CRK: variants seen among roughly 807,000 people sequenced by gnomAD.
The protein encoded by CRK is adapter molecule crk.
CRK carries 4 observed loss-of-function variants against 29.8 expected under a neutral mutation model. The observed-to-expected ratio is 0.13, with a 90% CI of 0.07 to 0.31. The LOEUF (loss-of-function observed/expected upper bound fraction) is 0.31, where lower values mean the gene tolerates loss of function less well. Among genes scored for constraint, CRK ranks in the 10% least tolerant of loss-of-function variants. CRK has a pLI of 1.00. For missense variants in CRK, 274 were observed against 396.5 expected, an observed-to-expected ratio of 0.69 and a Z score of 2.62; for synonymous variants, 153 against 164.9, an observed-to-expected ratio of 0.93 and a Z score of 0.55.
rs547330797 is a variant in CRK, at chr17:1,423,099, C to T, written c.*414G>A. On this transcript the variant is annotated 3_prime_UTR_variant, in exon 3 of 3. Coordinates refer to ENST00000300574, the MANE Select transcript of CRK (RefSeq NM_016823.4). ...GCATGATTACTTCACGGGGGTGGAACGGAACAGTCTGTCGCCATTTGATAG... is the reference window on the plus strand; with the variant it reads ...GCATGATTACTTCACGGGGGTGGAATGGAACAGTCTGTCGCCATTTGATAG... 15 of 419,182 alleles carry T rather than the reference C, an allele frequency of 3.6e-5. No individual in the cohort carries two copies. The highest frequency in any genetic ancestry group is 1.9e-4 in the South Asian group (2 of 10,404). 26.0% of individuals were successfully genotyped at this position (419,182 alleles called of 1,614,324 possible). A position where few individuals can be genotyped will look rare whatever the true frequency, so the allele number is the denominator to read the frequency against.
At chr17:1,446,208 C>T (rs962819449) in intron 1 of CRK, among the ~76,000 whole-genome samples, 2 of 152,132 alleles carry the variant, frequency 1.3e-5, no homozygotes, top group Admixed American at 6.6e-5. Context: ...AAGGAGAAAG[C>T]GGCACGTCTT....
At position 1,456,018 on chromosome 17, in the gene CRK, C is replaced by G. The variant is rs1317489137; in HGVS notation, c.100G>C (p.Val34Leu). ...VALLQGQRHGVFLVRDSSTSP... is the reference protein window; with the variant it reads ...VALLQGQRHGLFLVRDSSTSP... ...GTGCTCGAGTCCCGCACCAGGAACA[C>G]CCCGTGCCGCTGGCCCTGCAGCAGC... The change falls in exon 1 of 3, where the codon GTG becomes CTG. Residue 34 changes from valine (V) to leucine (L), a missense_variant. Transcript: ENST00000300574. 5 of 1,597,740 alleles carry G rather than the reference C, an allele frequency of 3.1e-6. 1 individual carries two copies. Among genetic ancestry groups the G allele is most frequent in the Non-Finnish European group, 4.3e-6 (5 of 1,173,970 alleles).
At chr17:1,431,461 C>T (rs1344825610) in intron 2 of CRK, among the ~76,000 whole-genome samples, 3 of 152,138 alleles carry the variant, frequency 2.0e-5, no homozygotes, top group East Asian at 3.9e-4. Context: ...GTGGCTCACG[C>T]CTGTAATCTC....
rs1269389495 is a variant in CRK at position 1,430,289 on chromosome 17, T to C, written c.777+6331A>G. 1.9e-3 allele frequency among the ~76,000 whole-genome samples: 293 copies of C among 151,354 alleles called. 1 individual carries two copies. The highest frequency in any genetic ancestry group is 6.7e-3 in the African/African-American group (275 of 40,802). ...GAATTCCTGACCTCAGGTGAAGAGTTCACCCACCTCGACCTCCCAAAGTGC... is the reference window on the plus strand; with the variant it reads ...GAATTCCTGACCTCAGGTGAAGAGTCCACCCACCTCGACCTCCCAAAGTGC... On this transcript the variant is annotated intron_variant, in intron 2 of 2. Coordinates refer to ENST00000300574, the MANE Select transcript of CRK (RefSeq NM_016823.4).
In CRK at chr17:1,422,943, A is replaced by AT. The variant is rs2073742209; in HGVS notation, c.*569dup. 1 of 399,058 alleles carries AT rather than the reference A, an allele frequency of 2.5e-6. No homozygotes were observed. Among genetic ancestry groups the AT allele is most frequent in the Non-Finnish European group, 4.4e-6 (1 of 226,118 alleles). 24.7% of individuals were successfully genotyped at this position (399,058 alleles called of 1,614,324 possible). ...AGAATCCCAAGAAAAAGTATGAAGCATTGACTAGGAGGGAACAAATGCTTC... is the reference window on the plus strand; with the variant it reads ...AGAATCCCAAGAAAAAGTATGAAGCATTTGACTAGGAGGGAACAAATGCTTC... On this transcript the variant is annotated 3_prime_UTR_variant, in exon 3 of 3. Coordinates refer to ENST00000300574, the MANE Select transcript of CRK (RefSeq NM_016823.4).
chr17:1,430,291 A>G lies in CRK; in HGVS notation c.777+6329T>C, dbSNP rs1464453798. On this transcript the variant is annotated intron_variant, in intron 2 of 2. Transcript: ENST00000300574. The stretch of plus-strand genomic sequence containing the variant: ...ATTCCTGACCTCAGGTGAAGAGTTC[A>G]CCCACCTCGACCTCCCAAAGTGCTG... 1.8e-3 allele frequency among the ~76,000 whole-genome samples: 273 copies of G among 151,050 alleles called. 1 individual carries two copies. Among genetic ancestry groups the G allele is most frequent in the African/African-American group, 6.3e-3 (258 of 40,640 alleles).
intron 2 of CRK, among the ~76,000 whole-genome samples, chr17:1,428,109 TCTTTCAGA>T (rs1451876228): frequency 1.3e-5 from 2 of 150,106 alleles, no homozygotes; most frequent in East Asian, 2.0e-4. Context: ...CCAGATCTTT[TCTTTCAGA>T]CTTTTTTTTT....
At chr17:1,425,240 C>T (rs1040973492) in intron 2 of CRK, among the ~76,000 whole-genome samples, 4 of 151,812 alleles carry the variant, frequency 2.6e-5, no homozygotes, top group Non-Finnish European at 5.9e-5. Flanking sequence ...CAGCCGCCCG[C>T]CACCACGCCC....
chr17:1,445,217 A>G (rs2073966412), intron 1 of CRK, among the ~76,000 whole-genome samples: 1 of 152,158 alleles, frequency 6.6e-6, no homozygotes, highest in African/African-American at 2.4e-5. Context: ...GAAGCCAATG[A>G]AAAGTCCTTC....
At chr17:1,433,998 C>T (rs931141058) in intron 2 of CRK, among the ~76,000 whole-genome samples, 5 of 152,050 alleles carry the variant, frequency 3.3e-5, no homozygotes, top group African/African-American at 1.2e-4. Flanking sequence ...CAGCACCTGG[C>T]CAAACATCAG....
intron 2 of CRK, among the ~76,000 whole-genome samples, chr17:1,433,202 G>GA (rs2073860129): frequency 6.6e-6 from 1 of 152,134 alleles, no homozygotes; most frequent in Admixed American, 6.6e-5. Flanking sequence ...TCAATGTTTG[G>GA]AATTCACTAC....
chr17:1,435,050 C>T (rs1200194338), intron 2 of CRK, among the ~76,000 whole-genome samples: 1 of 152,006 alleles, frequency 6.6e-6, no homozygotes, highest in Non-Finnish European at 1.5e-5. Flanking sequence ...CTGGCTTGTT[C>T]CATGGCTTTT....
chr17:1,442,942 T>C (rs1241198100), intron 1 of CRK, among the ~76,000 whole-genome samples: 1 of 150,554 alleles, frequency 6.6e-6, no homozygotes, highest in Admixed American at 6.7e-5. Context: ...CAGGCTGGAG[T>C]GCAGTGGCGC....
intron 2 of CRK, among the ~76,000 whole-genome samples, chr17:1,432,542 C>G (rs556921524): frequency 6.8e-6 from 1 of 147,662 alleles, no homozygotes; most frequent in South Asian, 2.1e-4. Context: ...CTTTGGGAGG[C>G]GAAGGCAGGT....
chr17:1,450,275 A>G (rs556843413), intron 1 of CRK, among the ~76,000 whole-genome samples: 15 of 151,822 alleles, frequency 9.9e-5, no homozygotes, highest in Middle Eastern at 3.4e-3. Flanking sequence ...TTGGGAGGCC[A>G]AGGTGGGCGG....
chr17:1,427,315 C>G (rs997323396), intron 2 of CRK, among the ~76,000 whole-genome samples: 1 of 150,938 alleles, frequency 6.6e-6, no homozygotes, highest in Non-Finnish European at 1.5e-5. Context: ...GAATCTTGGC[C>G]GGGCGCGGTG....
At chr17:1,455,683 G>A (rs575776624) in intron 1 of CRK, among the ~76,000 whole-genome samples, 194 bp downstream of exon 1, 8 of 152,050 alleles carry the variant, frequency 5.3e-5, no homozygotes, top group African/African-American at 1.4e-4. Flanking sequence ...CGGGGCCTCG[G>A]TCCGCGGCTC....
At chr17:1,436,477 A>G in intron 2 of CRK, 143 bp downstream of exon 2, 1 of 845,876 alleles carries the variant, frequency 1.2e-6, no homozygotes, top group Non-Finnish European at 1.7e-6. Context: ...AGAAAACCCA[A>G]CATTCAATGC....
intron 1 of CRK, among the ~76,000 whole-genome samples, chr17:1,451,674 C>A (rs1226926504): frequency 6.6e-6 from 1 of 151,926 alleles, no homozygotes; most frequent in African/African-American, 2.4e-5. Context: ...TATGACTGTG[C>A]CTGTCAACAG....
Sources: gnomAD v4.1 joint callset for allele counts (sites outside exome capture counted in the v4.1 genomes callset) on GRCh38, gnomAD v4.1.1 for gene constraint, MANE v1.5 for transcripts, NCBI Gene and HGNC (gene_info 2026-07-23, HGNC 2026-07-21) for gene names.